Variants in ZNF559 observed in about 807,000 individuals in gnomAD.
ZNF559 encodes the protein zinc finger protein 559.
Under a neutral mutation model 14.2 loss-of-function variants are expected in ZNF559, and 17 were observed. The ratio of observed to expected loss-of-function variants is 1.20; its 90% CI spans 0.82 to 1.80. The LOEUF is 1.80. Ranked by LOEUF, ZNF559 falls within the 40% of genes most tolerant of loss-of-function variation. The pLI, the probability that ZNF559 is intolerant of heterozygous loss-of-function variation, is 0.00. For synonymous variants in ZNF559, 244 were observed against 212.4 expected (o/e 1.15, Z -1.29); for missense variants, 740 against 629.7 (o/e 1.18, Z -1.88).
chr19:9,331,443 AG>A (rs1207627612), intron 2 of ZNF559, among the ~76,000 whole-genome samples: 3 of 152,218 alleles, frequency 2.0e-5, no homozygotes, highest in African/African-American at 2.4e-5. Flanking sequence ...TAAATTGTCA[AG>A]GGTTAGAAAA....
At chr19:9,325,699 T>C (rs1568355674) in intron 2 of ZNF559, among the ~76,000 whole-genome samples, 1 of 151,130 alleles carries the variant, frequency 6.6e-6, no homozygotes, top group Admixed American at 6.6e-5. Context: ...GGCAGGAGAA[T>C]CGCTTGAACC....
At chr19:9,324,090 C>T, upstream of ZNF559, 1 of 1,462,206 alleles carries the variant, frequency 6.8e-7, no homozygotes, top group Non-Finnish European at 9.2e-7. Flanking sequence ...TTGGAAAAAG[C>T]CGCAGCAGCT....
chr19:9,324,732 G>GC lies in ZNF559; in HGVS notation c.-167dup. On this transcript the variant is annotated 5_prime_UTR_variant, in exon 2 of 7. An upstream open reading frame in the 5' UTR loses its in-frame stop. Transcript: ENST00000603380. ...TGCCTTCCTGTTCACGGTGACCTTC[G>GC]CTTGGTGTCCTCCTGGCCTCAGCAA... 6.5e-7 allele frequency: 1 copy of GC among 1,535,378 alleles called. No homozygotes were observed. The highest frequency in any genetic ancestry group is 8.7e-7 in the Non-Finnish European group (1 of 1,146,838).
At chr19:9,326,871 C>T (rs2066635279) in intron 2 of ZNF559, among the ~76,000 whole-genome samples, 1 of 152,040 alleles carries the variant, frequency 6.6e-6, no homozygotes, top group Admixed American at 6.6e-5. Context: ...ATTAACAAAC[C>T]CAGGTTGTTC....
chr19:9,327,171 T>C (rs1599284675), intron 2 of ZNF559, among the ~76,000 whole-genome samples: 1 of 152,254 alleles, frequency 6.6e-6, no homozygotes, highest in Non-Finnish European at 1.5e-5. Context: ...AGTGATACTT[T>C]GGCTACAGGG....
At chr19:9,338,405 C>T (rs1469771808) in intron 3 of ZNF559, 89 bp from the exon 4 acceptor site, 11 of 917,512 alleles carry the variant, frequency 1.2e-5, no homozygotes, top group Non-Finnish European at 1.7e-5. Flanking sequence ...TGTGTGTCCA[C>T]TTAGCATTAG....
upstream of ZNF559, chr19:9,324,082 G>A: frequency 4.9e-6 from 7 of 1,418,038 alleles, no homozygotes. Flanking sequence ...GCTCTGGGTT[G>A]GAAAAAGCCG....
rs376697934 is a variant in ZNF559, at chr19:9,342,256, A to G, written c.805A>G (p.Ile269Val). ...AAGAACTCATAGTAGAGTGTTACCT[A>G]TAGAACATAAGAAATTTGGCAAAGC... ...HLRTHSRVLP[I>V]EHKKFGKAFA... The change falls in exon 7 of 7, where the codon ATA becomes GTA. Residue 269 changes from isoleucine (I) to valine (V), a missense_variant. Transcript: ENST00000603380. 33 of 1,584,756 alleles carry G rather than the reference A, an allele frequency of 2.1e-5. No individual in the cohort carries two copies. Among genetic ancestry groups the G allele is most frequent in the Admixed American group, 3.8e-5 (2 of 53,154 alleles).
rs1338146959 is a variant in ZNF559 at position 9,324,776 on chromosome 19, T to G, written c.-124T>G. Reference sequence around the variant, plus strand: ...TCAGCAACCTGACAATTCTGTCGTGTCCCGGTGAGCACTTCATGCACTTGT... The same window carrying G: ...TCAGCAACCTGACAATTCTGTCGTGGCCCGGTGAGCACTTCATGCACTTGT... On this transcript the variant is annotated 5_prime_UTR_variant, in exon 2 of 7. Transcript: ENST00000603380. 1 of 1,536,036 alleles carries G rather than the reference T, an allele frequency of 6.5e-7. No homozygotes were observed. The highest frequency in any genetic ancestry group is 8.7e-7 in the Non-Finnish European group (1 of 1,146,836).
Position 9,331,470 on chromosome 19 carries a change from A to G in ZNF559, c.-119-6326A>G, listed in dbSNP as rs532902451. 4.5e-4 allele frequency among the ~76,000 whole-genome samples: 69 copies of G among 152,322 alleles called. 1 individual carries two copies. The Middle Eastern group carries it at 0.014, about 30-fold the overall frequency. ...GGTTAGAAAAAGATACTCCATGCAA[A>G]TGATAACCAAAGGACAGCAGGAGCC... On this transcript the variant is annotated intron_variant, in intron 2 of 6. Transcript: ENST00000603380.
At chr19:9,337,683 T>C (rs1337778932) in intron 2 of ZNF559, 113 bp from the exon 3 acceptor site, 13 of 681,764 alleles carry the variant, frequency 1.9e-5, no homozygotes, top group South Asian at 2.3e-5. Context: ...TATGAACTTA[T>C]CCTACCACTG....
Position 9,324,716 on chromosome 19 carries a change from G to C in ZNF559, c.-184G>C. 2.0e-6 allele frequency: 3 copies of C among 1,533,862 alleles called. No homozygotes were observed. Among genetic ancestry groups the C allele is most frequent in the Non-Finnish European group, 2.6e-6 (3 of 1,146,486 alleles). On this transcript the variant is annotated 5_prime_UTR_variant, in exon 2 of 7. Transcript: ENST00000603380. ...TAAGGAACAGCATCTCTGCCTTCCT[G>C]TTCACGGTGACCTTCGCTTGGTGTC...
rs918003630 is a variant in ZNF559 at position 9,343,034 on chromosome 19, T to C, written c.1583T>C (p.Phe528Ser). The change falls in exon 7 of 7, where the codon TTT becomes TCT. Residue 528 changes from phenylalanine to serine, a missense_variant. By Grantham distance (155) the Phe-to-Ser change is radical (BLOSUM62 -2). Coordinates refer to ENST00000603380, the MANE Select transcript of ZNF559 (RefSeq NM_032497.3). ...EKPYKECGQT[F>S]SNSSCLTECV is the part of the protein sequence containing the mutation. ...CCATATAAGGAATGTGGGCAAACCT[T>C]TAGTAATTCCTCATGCCTTACTGAA... The C allele has an allele frequency of 2.5e-6, 4 of 1,613,466 alleles. No individual in the cohort carries two copies. The African/African-American group carries it at 5.3e-5, about 22-fold the overall frequency.
At chr19:9,323,823 T>C (rs1231836554), upstream of ZNF559, 3 of 298,792 alleles carry the variant, frequency 1.0e-5, no homozygotes, top group Admixed American at 4.7e-5. Flanking sequence ...CTAGGAGGTA[T>C]TGGGACTCAT....
Position 9,339,267 on chromosome 19 carries a change from A to C in ZNF559, c.108A>C (p.Arg36Ser). The C allele has an allele frequency of 6.2e-7, 1 of 1,613,868 alleles. No homozygotes were observed. Among genetic ancestry groups the C allele is most frequent in the Non-Finnish European group, 8.5e-7 (1 of 1,179,942 alleles). ...GGACTTTGCTGGATCAAACTCAGAG[A>C]AACTTATACAGAGATGTGATGCTGG... The part of the protein sequence containing the change: ...EEWTLLDQTQ[R>S]NLYRDVMLEN... Residue 36 changes from arginine to serine, a missense_variant, in exon 5 of 7, where the codon AGA (arginine) becomes AGC (serine). Arg to Ser is a moderately radical substitution (Grantham distance 110). Coordinates refer to ENST00000603380, the MANE Select transcript of ZNF559 (RefSeq NM_032497.3).
intron 2 of ZNF559, among the ~76,000 whole-genome samples, chr19:9,329,039 GTTC>G (rs1239912362): frequency 2.0e-5 from 3 of 152,038 alleles, no homozygotes; most frequent in Non-Finnish European, 2.9e-5. Flanking sequence ...GAACTGCTTT[GTTC>G]TTTTTGTGGT....
rs185502089 is a variant in ZNF559 at position 9,335,661 on chromosome 19, C to T, written c.-119-2135C>T. Among the ~76,000 whole-genome samples, 11 of 152,266 alleles carry T rather than the reference C, an allele frequency of 7.2e-5. No homozygotes were observed. In the East Asian group the frequency reaches 1.5e-3, roughly 21 times the overall value. ...CTCCCAGGCTCAAGCCACCTTCCCA[C>T]GTAGCTGGCACTACAGACACGTACC... On this transcript the variant is annotated intron_variant, in intron 2 of 6. Coordinates refer to ENST00000603380, the MANE Select transcript of ZNF559 (RefSeq NM_032497.3).
rs1312896285 is a variant in ZNF559, at chr19:9,342,834, G to A, written c.1383G>A (p.Gly461=). Residue 461 remains glycine, a synonymous_variant, in exon 7 of 7, where the codon GGG becomes GGA. Coordinates refer to ENST00000603380, the MANE Select transcript of ZNF559 (RefSeq NM_032497.3). ...HLSQHKRIHT[G]ERPYKCQKCG... is the part of the protein sequence containing the mutation. ...GTCAACATAAAAGAATACATACAGG[G>A]GAGAGGCCATATAAATGTCAAAAGT... is the stretch of plus-strand genomic sequence containing the variant. The A allele has an allele frequency of 6.2e-7, 1 of 1,613,424 alleles. No homozygotes were observed. Among genetic ancestry groups the A allele is most frequent in the Admixed American group, 1.7e-5 (1 of 59,938 alleles).
chr19:9,343,314 C>G lies in ZNF559; in HGVS notation c.*246C>G, dbSNP rs566350366. On this transcript the variant is annotated 3_prime_UTR_variant, in exon 7 of 7. Transcript: ENST00000603380. Reference sequence around the variant, plus strand: ...TGTGCATCCTAGGAAACAAACTGAACGTAGGAAACCTGTCGATGCTTACAT... The same window carrying G: ...TGTGCATCCTAGGAAACAAACTGAAGGTAGGAAACCTGTCGATGCTTACAT... 1.1e-5 allele frequency: 14 copies of G among 1,273,104 alleles called. No homozygotes were observed. Among genetic ancestry groups the G allele is most frequent in the African/African-American group, 6.0e-5 (4 of 66,898 alleles). The allele number at this position is 1,273,104 out of a possible 1,614,324, so 78.9% of individuals were successfully genotyped here. A position where few individuals can be genotyped will look rare whatever the true frequency, so the allele number is the denominator to read the frequency against.
Sources: gnomAD v4.1 joint callset for allele counts (sites outside exome capture counted in the v4.1 genomes callset) on GRCh38, gnomAD v4.1.1 for gene constraint, MANE v1.5 for transcripts, NCBI Gene and HGNC (gene_info 2026-07-23, HGNC 2026-07-21) for gene names.